Variants in IRAG2 observed in about 807,000 individuals in gnomAD.
The protein encoded by IRAG2 is inositol 1,4,5-triphosphate receptor associated 2, also known as lymphoid restricted membrane protein.
A neutral mutation model predicts 69.9 loss-of-function variants in IRAG2; 45 were observed. The observed-to-expected ratio is 0.64, with a 90% CI of 0.51 to 0.83. The LOEUF (loss-of-function observed/expected upper bound fraction) is 0.83, where lower values mean the gene tolerates loss of function less well. Ranked by LOEUF, IRAG2 falls within the 40% of genes least tolerant of loss-of-function variation. The pLI, the probability that IRAG2 is intolerant of heterozygous loss-of-function variation, is 0.00. For synonymous variants in IRAG2, 193 were observed against 202.4 expected (o/e 0.95, Z 0.40); for missense variants, 520 against 587.0 (o/e 0.89, Z 1.18).
At position 25,033,957 on chromosome 12, in the gene IRAG2, T is replaced by A. The variant is rs1944687657; in HGVS notation, c.1743+10T>A. 7.5e-6 allele frequency: 3 copies of A among 398,960 alleles called. No individual in the cohort carries two copies. In the East Asian group the frequency reaches 1.1e-4, roughly 14 times the overall value. 24.7% of individuals were successfully genotyped at this position (398,960 alleles called of 1,614,324 possible). A position where few individuals can be genotyped will look rare whatever the true frequency, so the allele number is the denominator to read the frequency against. On this transcript the variant is annotated intron_variant, in intron 13 of 38. Coordinates refer to the IRAG2 transcript ENST00000636465. ...TGCTCAGTCTGCAGAGGTAGGTCAT[T>A]ATAAGAAGATGGAAAGCTTTGAAAG...
At chr12:25,069,265 G>A in intron 5 of IRAG2, 85 bp from the exon 6 acceptor site, 1 of 630,370 alleles carries the variant, frequency 1.6e-6, no homozygotes. Flanking sequence ...GGGCGTAGGG[G>A]AGTGAGAACC....
At chr12:24,997,906 T>A in the IRAG2 span, among the ~76,000 whole-genome samples, 1 of 152,238 alleles carries the variant, frequency 6.6e-6, no homozygotes, top group Non-Finnish European at 1.5e-5. Flanking sequence ...ATTCCCCAGA[T>A]ATGTTGCTGT....
At chr12:25,096,403 C>G (rs1187119685) in intron 14 of IRAG2, among the ~76,000 whole-genome samples, 1 of 152,108 alleles carries the variant, frequency 6.6e-6, no homozygotes, top group Non-Finnish European at 1.5e-5. Context: ...GGATGTTCAT[C>G]AGGAAGGGCA....
At chr12:25,020,633 G>T (rs1944570761) in intron 6 of IRAG2, among the ~76,000 whole-genome samples, 3 of 152,074 alleles carry the variant, frequency 2.0e-5, no homozygotes, top group Admixed American at 1.3e-4. Flanking sequence ...CTTTTCCAAG[G>T]ACTGAAAGAT....
At position 25,088,081 on chromosome 12, in the gene IRAG2, T is replaced by TA; in HGVS notation, c.316-15dup. Reference sequence around the variant, plus strand: ...AGTATTTCCACTCTATGTACAGTGGTAAAATCTTATGATTTTAGGAAGCCA... The same window carrying TA: ...AGTATTTCCACTCTATGTACAGTGGTAAAAATCTTATGATTTTAGGAAGCCA... On this transcript the variant is annotated intron_variant, in intron 10 of 21. Coordinates refer to ENST00000556887, the MANE Select transcript of IRAG2 (RefSeq NM_001366544.2). 1 of 1,582,198 alleles carries TA rather than the reference T, an allele frequency of 6.3e-7. No individual in the cohort carries two copies. Among genetic ancestry groups the TA allele is most frequent in the Non-Finnish European group, 8.7e-7 (1 of 1,150,964 alleles).
chr12:25,027,850 A>G (rs976465192), intron 9 of IRAG2, among the ~76,000 whole-genome samples: 4 of 152,158 alleles, frequency 2.6e-5, no homozygotes, highest in Admixed American at 6.5e-5. Context: ...CTATGTGTAC[A>G]TATGTCTTGA....
intron 15 of IRAG2, among the ~76,000 whole-genome samples, chr12:25,100,552 T>G (rs1233494147): frequency 6.6e-6 from 1 of 152,208 alleles, no homozygotes; most frequent in Admixed American, 6.5e-5. Context: ...ACCTTCCAAC[T>G]GCCTGCCTTG....
chr12:25,107,726 G>A lies in IRAG2; in HGVS notation c.1257-91G>A, dbSNP rs1275419811. The A allele has an allele frequency of 3.1e-6, 4 of 1,283,356 alleles. No homozygotes were observed. In the East Asian group the frequency reaches 9.3e-5, roughly 30 times the overall value. The allele number at this position is 1,283,356 out of a possible 1,614,324, so 79.5% of individuals were successfully genotyped here. A position where few individuals can be genotyped will look rare whatever the true frequency, so the allele number is the denominator to read the frequency against. ...TAAAAGGCAGTTTTGGGGGTATGAAGGGCAGATCACCTGACTGGTGGTGTT... is the reference window on the plus strand; with the variant it reads ...TAAAAGGCAGTTTTGGGGGTATGAAAGGCAGATCACCTGACTGGTGGTGTT... On this transcript the variant is annotated intron_variant, in intron 21 of 21. Coordinates refer to ENST00000556887, the MANE Select transcript of IRAG2 (RefSeq NM_001366544.2).
chr12:25,030,373 G>T, intron 10 of IRAG2: 4 of 1,200,502 alleles, frequency 3.3e-6, no homozygotes, highest in African/African-American at 1.6e-5. Flanking sequence ...CATGGAATTG[G>T]CTAGCTCTCT....
Position 25,069,159 on chromosome 12 carries a change from T to C in IRAG2, c.-58-191T>C, listed in dbSNP as rs528501687. ...TTTTCATTTTTGACTGGATTCTCTG[T>C]TGTTTGTAACCTCTCTCTGATGGAG... On this transcript the variant is annotated intron_variant, in intron 5 of 21. Transcript: ENST00000556887. Among the ~76,000 whole-genome samples the C allele has an allele frequency of 9.8e-5, 15 of 152,366 alleles. 1 individual carries two copies. In the South Asian group the frequency reaches 3.1e-3, roughly 32 times the overall value.
intron 5 of IRAG2, 131 bp from the exon 6 acceptor site, chr12:25,069,219 C>T: frequency 3.8e-6 from 2 of 521,994 alleles, no homozygotes; most frequent in Non-Finnish European, 3.4e-6. Flanking sequence ...TTACTTAAAC[C>T]ATGAACTTAA....
intron 7 of IRAG2, among the ~76,000 whole-genome samples, chr12:25,021,240 G>C (rs1944577825): frequency 6.6e-6 from 1 of 151,688 alleles, no homozygotes; most frequent in Admixed American, 6.6e-5. Flanking sequence ...AAAGTGTTGG[G>C]ATTATAGGCA....
chr12:25,080,938 T>C (rs192274617), intron 9 of IRAG2, among the ~76,000 whole-genome samples: 1 of 152,272 alleles, frequency 6.6e-6, no homozygotes, highest in Admixed American at 6.5e-5. Context: ...TTTTTGTAAA[T>C]ATAGTAGTCC....
chr12:25,058,570 T>G (rs1945415571), intron 1 of IRAG2, among the ~76,000 whole-genome samples: 1 of 152,216 alleles, frequency 6.6e-6, no homozygotes, highest in South Asian at 2.1e-4. Context: ...ATAGATAGTA[T>G]TATACAAGCC....
intron 10 of IRAG2, among the ~76,000 whole-genome samples, chr12:25,031,580 G>A (rs1944667659): frequency 1.3e-5 from 2 of 152,182 alleles, no homozygotes; most frequent in Admixed American, 1.3e-4. Context: ...TTTAGAGTTT[G>A]ATTCCACTGG....
Position 25,106,366 on chromosome 12 carries a change from AATAT to A in IRAG2, c.1149-570_1149-567del, listed in dbSNP as rs1019163324. ...ATACATACATATTTTTATATATATA[AATAT>A]ATATATTATGGAATATGTGTGTATA... On this transcript the variant is annotated intron_variant, in intron 20 of 21. Transcript: ENST00000556887. Among the ~76,000 whole-genome samples, 5 of 146,846 alleles carry A rather than the reference AATAT, an allele frequency of 3.4e-5. No homozygotes were observed. The South Asian group carries it at 6.3e-4, about 19-fold the overall frequency.
At chr12:25,017,124 T>C (rs907772349) in intron 5 of IRAG2, 43 of 1,231,958 alleles carry the variant, frequency 3.5e-5, no homozygotes, top group Non-Finnish European at 4.0e-5. Flanking sequence ...ATCTATTCTT[T>C]TACTTGCAGA....
chr12:25,089,099 G>A (rs995607681), intron 11 of IRAG2, among the ~76,000 whole-genome samples: 1 of 152,130 alleles, frequency 6.6e-6, no homozygotes, highest in South Asian at 2.1e-4. Context: ...CCTTGGTAAA[G>A]TTGTCATAAA....
At chr12:25,004,477 T>C (rs1235504689) in exon 1 of IRAG2, 1 of 1,232,036 alleles carries the variant, frequency 8.1e-7, no homozygotes. Flanking sequence ...ATCTAGCAGT[T>C]TTGATAGCCC....
Sources: allele counts gnomAD v4.1 joint callset (sites outside exome capture counted in the v4.1 genomes callset), GRCh38; gene constraint gnomAD v4.1.1; transcripts MANE v1.5; gene names NCBI Gene and HGNC (gene_info 2026-07-23, HGNC 2026-07-21).